Variants in TSPAN18 observed in about 807,000 individuals in gnomAD.
TSPAN18 encodes the protein tetraspanin 18.
In TSPAN18, 14 loss-of-function variants were observed where a neutral mutation model predicts 27.3. The observed-to-expected ratio is 0.51, with a 90% CI of 0.34 to 0.80. The LOEUF (loss-of-function observed/expected upper bound fraction) is 0.80. Ranked by LOEUF, TSPAN18 falls within the 30% of genes least tolerant of loss-of-function variation. The probability of loss-of-function intolerance (pLI) is 0.01; values close to 1 mark genes in which losing one functional copy is unlikely to be tolerated. For missense variants in TSPAN18, 268 were observed against 323.9 expected, an observed-to-expected ratio of 0.83 and a Z score of 1.32; for synonymous variants, 143 against 136.5, an observed-to-expected ratio of 1.05 and a Z score of -0.33.
At chr11:44,778,081 TC>T (rs1855856224) in intron 2 of TSPAN18, among the ~76,000 whole-genome samples, 1 of 152,046 alleles carries the variant, frequency 6.6e-6, no homozygotes, top group East Asian at 1.9e-4. Context: ...CAGTTAGTCT[TC>T]TGGTGTGGTT....
chr11:44,811,174 A>ACACACACC (rs942657687), intron 2 of TSPAN18, among the ~76,000 whole-genome samples: 15 of 125,986 alleles, frequency 1.2e-4, no homozygotes, highest in African/African-American at 3.4e-4. Flanking sequence ...ACACACACAC[A>ACACACACC]CCCCTGCCTG....
chr11:44,872,444 A>G (rs1186306248), intron 3 of TSPAN18, among the ~76,000 whole-genome samples: 2 of 152,192 alleles, frequency 1.3e-5, no homozygotes, highest in Non-Finnish European at 2.9e-5. Flanking sequence ...CACTGAGTGA[A>G]TGCATGTAAA....
intron 2 of TSPAN18, among the ~76,000 whole-genome samples, chr11:44,793,983 G>T (rs777402006): frequency 6.6e-6 from 1 of 152,160 alleles, no homozygotes; most frequent in African/African-American, 2.4e-5. Context: ...GAACAGGGGG[G>T]TGGGGGGAGT....
rs570032942 is a variant in TSPAN18 at position 44,890,591 on chromosome 11, C to T, written c.-10-15816C>T. Among the ~76,000 whole-genome samples the T allele has an allele frequency of 9.2e-5, 14 of 152,024 alleles. No individual in the cohort carries two copies. In the South Asian group the frequency reaches 1.7e-3, roughly 18 times the overall value. On this transcript the variant is annotated intron_variant, in intron 3 of 9. Coordinates refer to ENST00000520358, the MANE Select transcript of TSPAN18 (RefSeq NM_130783.5). ...ACAAAAAATTAGCTGGGCGTGGTGG[C>T]GGGCGCCTGTAGTCCCAGCTACTCG...
intron 2 of TSPAN18, among the ~76,000 whole-genome samples, chr11:44,815,522 A>G (rs919650758): frequency 9.9e-5 from 15 of 152,030 alleles, no homozygotes; most frequent in African/African-American, 3.4e-4. Context: ...TGGTGTGTGA[A>G]GGGGGGTCTG....
At chr11:44,839,244 G>T (rs1857321320) in intron 2 of TSPAN18, among the ~76,000 whole-genome samples, 1 of 152,224 alleles carries the variant, frequency 6.6e-6, no homozygotes, top group Non-Finnish European at 1.5e-5. Flanking sequence ...TTGATGCAGT[G>T]GAAGGGGTCA....
At chr11:44,749,370 T>G (rs1855156038) in intron 1 of TSPAN18, among the ~76,000 whole-genome samples, 1 of 152,206 alleles carries the variant, frequency 6.6e-6, no homozygotes, top group African/African-American at 2.4e-5. Flanking sequence ...CAGCTCTTTT[T>G]GTGGTTTTCT....
At chr11:44,917,111 C>A (rs75822491) in intron 5 of TSPAN18, among the ~76,000 whole-genome samples, 2 of 152,214 alleles carry the variant, frequency 1.3e-5, no homozygotes, top group Non-Finnish European at 2.9e-5. Flanking sequence ...TGAGTGACAG[C>A]CCCTGTGCTA....
At chr11:44,912,778 GTGCATGGGTGTTATGCA>G (rs1295390887) in intron 5 of TSPAN18, among the ~76,000 whole-genome samples, 4 of 152,136 alleles carry the variant, frequency 2.6e-5, no homozygotes, top group African/African-American at 9.7e-5. Context: ...GGTGTTGTAT[GTGCATGGGTGTTATGCA>G]TGCATGGGTG....
intron 1 of TSPAN18, among the ~76,000 whole-genome samples, chr11:44,759,929 A>G (rs1360078309): frequency 6.6e-6 from 1 of 152,210 alleles, no homozygotes; most frequent in East Asian, 1.9e-4. Context: ...TTCACAAAGG[A>G]GTTAACTGAA....
chr11:44,908,070 A>AAAAAAAAG (rs10671243), intron 4 of TSPAN18, among the ~76,000 whole-genome samples: 1 of 149,818 alleles, frequency 6.7e-6, no homozygotes, highest in African/African-American at 2.5e-5. Flanking sequence ...AAAAAAAAAA[A>AAAAAAAAG]GGAGAGAGAC....
At position 44,800,293 on chromosome 11, in the gene TSPAN18, A is replaced by G. The variant is rs144021816; in HGVS notation, c.-153+35781A>G. Among the ~76,000 whole-genome samples the G allele has an allele frequency of 3.3e-3, 499 of 152,264 alleles. 3 individuals carry two copies. Among genetic ancestry groups the G allele is most frequent in the African/African-American group, 0.011 (477 of 41,564 alleles). On this transcript the variant is annotated intron_variant, in intron 2 of 9. Coordinates refer to ENST00000520358, the MANE Select transcript of TSPAN18 (RefSeq NM_130783.5). ...TGCAGGTATTAGAGGACCCATTTTG[A>G]TGATGGAGAAACTGAGGTTCAAAGA...
intron 3 of TSPAN18, among the ~76,000 whole-genome samples, chr11:44,899,457 C>T (rs1322233849): frequency 6.6e-6 from 1 of 152,210 alleles, no homozygotes; most frequent in South Asian, 2.1e-4. Flanking sequence ...AGTTTGAGCA[C>T]CATTGAACAC....
At chr11:44,862,092 C>T (rs1245284364) in intron 3 of TSPAN18, among the ~76,000 whole-genome samples, 1 of 152,054 alleles carries the variant, frequency 6.6e-6, no homozygotes, top group Non-Finnish European at 1.5e-5. Flanking sequence ...TGGGCCCCTT[C>T]CCAGAAGACC....
intron 4 of TSPAN18, among the ~76,000 whole-genome samples, chr11:44,906,887 G>A (rs963526768): frequency 6.6e-6 from 1 of 152,200 alleles, no homozygotes; most frequent in Non-Finnish European, 1.5e-5. Context: ...CCGAGTCCAT[G>A]TAGCCACCGG....
At chr11:44,853,559 C>T (rs1032664623) in intron 2 of TSPAN18, among the ~76,000 whole-genome samples, 4 of 152,144 alleles carry the variant, frequency 2.6e-5, no homozygotes, top group Non-Finnish European at 4.4e-5. Context: ...TAACTGCCAT[C>T]GTCTCCGTCT....
At position 44,754,683 on chromosome 11, in the gene TSPAN18, C is replaced by T. The variant is rs115691873; in HGVS notation, c.-239-9743C>T. 7.0e-3 allele frequency among the ~76,000 whole-genome samples: 1,071 copies of T among 152,300 alleles called. 16 individuals are homozygous for T. Among genetic ancestry groups the T allele is most frequent in the African/African-American group, 0.024 (994 of 41,568 alleles). ...TAATGCAGGCTGGAGTTAATGAGTG[C>T]CGTGGCTTGGGCAGCTTTGGCTCTG... On this transcript the variant is annotated intron_variant, in intron 1 of 9. Transcript: ENST00000520358.
intron 2 of TSPAN18, among the ~76,000 whole-genome samples, chr11:44,813,795 G>C (rs995504539): frequency 1.3e-5 from 2 of 152,194 alleles, no homozygotes; most frequent in Non-Finnish European, 2.9e-5. Context: ...ATAGACCAGA[G>C]GGCAGACTAT....
At chr11:44,906,561 T>C in intron 4 of TSPAN18, 82 bp downstream of exon 4, 1 of 1,353,114 alleles carries the variant, frequency 7.4e-7, no homozygotes, top group Non-Finnish European at 1.1e-6. Context: ...CTGGGCTGAG[T>C]CCCTGGGGCG....
Sources: allele counts gnomAD v4.1 joint callset (sites outside exome capture counted in the v4.1 genomes callset), GRCh38; gene constraint gnomAD v4.1.1; transcripts MANE v1.5; gene names NCBI Gene and HGNC (gene_info 2026-07-23, HGNC 2026-07-21).